The following KATNIP variants were observed in gnomAD, a reference collection of about 807,000 sequenced individuals.
KATNIP encodes katanin-interacting protein.
A neutral mutation model predicts 174.0 loss-of-function variants in KATNIP; 126 were observed. The observed-to-expected ratio is 0.72, with a 90% confidence interval of 0.63 to 0.84. The LOEUF (loss-of-function observed/expected upper bound fraction) is 0.84, where lower values mean the gene tolerates loss of function less well. KATNIP is among the 40% of genes least tolerant of loss of function. The pLI is 0.00. For synonymous variants in KATNIP, 810 were observed against 835.7 expected (o/e 0.97, Z 0.53); for missense variants, 1,958 against 2,109.7 (o/e 0.93, Z 1.41).
At position 27,613,844 on chromosome 16, in the gene KATNIP, G is replaced by A. The variant is rs150052920; in HGVS notation, c.64-4581G>A. ...GCACTCAGGATGAGGCAGGACTCAG[G>A]CCCAGGGGAGGACAGAGTAGCCTCT... On this transcript the variant is annotated intron_variant, in intron 2 of 27. Coordinates refer to ENST00000261588, the MANE Select transcript of KATNIP (RefSeq NM_015202.5). Among the ~76,000 whole-genome samples, 623 of 152,296 alleles carry A rather than the reference G, an allele frequency of 4.1e-3. 3 individuals are homozygous for A. The highest frequency in any genetic ancestry group is 0.014 in the African/African-American group (599 of 41,558).
At position 27,721,653 on chromosome 16, in the gene KATNIP, T is replaced by A. The variant is rs1013349424; in HGVS notation, c.1701T>A (p.His567Gln). Residue 567 changes from histidine to glutamine, a missense_variant, in exon 14 of 28, where the codon CAT becomes CAA. By Grantham distance (24) the His-to-Gln change is conservative. Transcript: ENST00000261588. ...ACACAAGACAGCTGGGGGACTTCCA[T>A]CTGGCCAAGATCAAGGTTCGGAATT... ...IRNTRQLGDF[H>Q]LAKIKVRNYW... is the part of the protein sequence containing the mutation. 7 of 1,614,036 alleles carry A rather than the reference T, an allele frequency of 4.3e-6. No individual in the cohort carries two copies. The highest frequency in any genetic ancestry group is 5.9e-6 in the Non-Finnish European group (7 of 1,180,044).
At chr16:27,567,774 C>T (rs187837548) in intron 1 of KATNIP, among the ~76,000 whole-genome samples, 6 of 152,236 alleles carry the variant, frequency 3.9e-5, no homozygotes, top group African/African-American at 1.2e-4. Flanking sequence ...GTAATCCACC[C>T]GCCTCGGCCT....
intron 14 of KATNIP, among the ~76,000 whole-genome samples, chr16:27,724,941 G>C (rs1832942558): frequency 6.6e-6 from 1 of 152,162 alleles, no homozygotes; most frequent in African/African-American, 2.4e-5. Flanking sequence ...TCTTTTATTG[G>C]GCAATGTGCT....
At chr16:27,591,676 G>T (rs1009524327) in intron 2 of KATNIP, among the ~76,000 whole-genome samples, 2 of 152,098 alleles carry the variant, frequency 1.3e-5, no homozygotes, top group African/African-American at 4.8e-5. Flanking sequence ...ATGGGGCCCG[G>T]CATGTATTAG....
At chr16:27,725,103 C>T (rs1056498362) in intron 14 of KATNIP, among the ~76,000 whole-genome samples, 1 of 152,200 alleles carries the variant, frequency 6.6e-6, no homozygotes, top group Non-Finnish European at 1.5e-5. Flanking sequence ...CAGAAGGCAG[C>T]ACACAGATGC....
At chr16:27,657,471 TA>T (rs1292756077) in intron 6 of KATNIP, among the ~76,000 whole-genome samples, 1 of 152,140 alleles carries the variant, frequency 6.6e-6, no homozygotes, top group Admixed American at 6.6e-5. Context: ...CTAACACCTA[TA>T]ATCCTAGCAT....
At chr16:27,758,793 A>G (rs2143973041) in intron 18 of KATNIP, among the ~76,000 whole-genome samples, 1 of 152,222 alleles carries the variant, frequency 6.6e-6, no homozygotes, top group Non-Finnish European at 1.5e-5. Context: ...GCTCATATTC[A>G]GTCACTCCCT....
intron 2 of KATNIP, among the ~76,000 whole-genome samples, chr16:27,590,287 T>C (rs2075124124): frequency 6.6e-6 from 1 of 152,052 alleles, no homozygotes; most frequent in South Asian, 2.1e-4. Context: ...GGATATGTGC[T>C]CTTCTGTGTA....
rs559830115 is a variant in KATNIP, at chr16:27,635,734, G to T, written c.408+4572G>T. ...ATACATGGATGGCGGGCCTGGCGGG[G>T]TCCAGAAGTTAACCACTTGAAGCCT... On this transcript the variant is annotated intron_variant, in intron 5 of 27. Coordinates refer to ENST00000261588, the MANE Select transcript of KATNIP (RefSeq NM_015202.5). 4.1e-4 allele frequency among the ~76,000 whole-genome samples: 63 copies of T among 152,274 alleles called. No individual in the cohort carries two copies. In the Middle Eastern group the frequency reaches 0.017, roughly 41 times the overall value.
intron 1 of KATNIP, among the ~76,000 whole-genome samples, chr16:27,552,639 T>A (rs2089434242): frequency 6.6e-6 from 1 of 150,964 alleles, no homozygotes; most frequent in African/African-American, 2.4e-5. Flanking sequence ...TTTCCCAAAG[T>A]GCTGGGATTA....
chr16:27,740,653 G>C lies in KATNIP; in HGVS notation c.2356G>C (p.Gly786Arg). Residue 786 changes from glycine to arginine, a missense_variant, in exon 15 of 28, where the codon GGC (glycine) becomes CGC (arginine). Gly to Arg is a moderately radical substitution (Grantham distance 125). This residue lies in a region of KATNIP where 1,557 missense variants were observed against 1,617.8 expected (regional missense o/e 0.96). Coordinates refer to ENST00000261588, the MANE Select transcript of KATNIP (RefSeq NM_015202.5). ...TCCCGAGAAGCCCCTGGCCTGGAAG[G>C]GCAGGCTCCCATCAGACGATGTCAT... ...LSPEKPLAWK[G>R]RLPSDDVIGE... 6.2e-7 allele frequency: 1 copy of C among 1,614,170 alleles called. No homozygotes were observed.
Position 27,751,941 on chromosome 16 carries a change from G to T in KATNIP, c.3552+17G>T, listed in dbSNP as rs755044136. ...GATGAACGGGTAGGACTGGAGCTGG[G>T]GGGCTGTGGGGGGACCCCCAGATAG... On this transcript the variant is annotated intron_variant, in intron 17 of 27. Transcript: ENST00000261588. 6.3e-7 allele frequency: 1 copy of T among 1,582,018 alleles called. No homozygotes were observed. The highest frequency in any genetic ancestry group is 8.6e-7 in the Non-Finnish European group (1 of 1,166,752).
At chr16:27,602,158 C>T (rs1203111716) in intron 2 of KATNIP, among the ~76,000 whole-genome samples, 1 of 152,118 alleles carries the variant, frequency 6.6e-6, no homozygotes, top group Non-Finnish European at 1.5e-5. Context: ...CCCTCCTGGG[C>T]TGTCCTCAGG....
rs202117354 is a variant in KATNIP at position 27,769,974 on chromosome 16, C to T, written c.4089C>T (p.Phe1363=). 5.6e-6 allele frequency: 9 copies of T among 1,614,116 alleles called. No homozygotes were observed. Among genetic ancestry groups the T allele is most frequent in the African/African-American group, 1.3e-5 (1 of 74,950 alleles). ...CHFDFAQEIL[F]VDYLRAQLLP... The stretch of plus-strand genomic sequence containing the variant: ...TTGATTTTGCTCAAGAAATCCTCTT[C>T]GTGGACTACCTACGGGCTCAGCTGC... Residue 1363 remains phenylalanine, a synonymous_variant, in exon 21 of 28, where the codon TTC becomes TTT. Coordinates refer to ENST00000261588, the MANE Select transcript of KATNIP (RefSeq NM_015202.5).
intron 4 of KATNIP, among the ~76,000 whole-genome samples, chr16:27,630,493 C>CA (rs1336891462): frequency 6.6e-6 from 1 of 152,224 alleles, no homozygotes; most frequent in African/African-American, 2.4e-5. Flanking sequence ...CAGTTGAACT[C>CA]AGAGTGTAGC....
intron 2 of KATNIP, among the ~76,000 whole-genome samples, chr16:27,591,640 GAAAT>G (rs1236730590): frequency 6.6e-6 from 1 of 152,120 alleles, no homozygotes; most frequent in African/African-American, 2.4e-5. Flanking sequence ...AGTGTCAGTG[GAAAT>G]AGCAAATGTC....
intron 1 of KATNIP, among the ~76,000 whole-genome samples, chr16:27,567,724 A>G (rs1218724690): frequency 6.6e-6 from 1 of 151,922 alleles, no homozygotes; most frequent in Non-Finnish European, 1.5e-5. Context: ...GGGTTTCACC[A>G]TGTTGGTTGG....
intron 2 of KATNIP, among the ~76,000 whole-genome samples, chr16:27,606,565 G>A (rs1364621015): frequency 6.6e-6 from 1 of 151,586 alleles, no homozygotes; most frequent in Non-Finnish European, 1.5e-5. Flanking sequence ...GAAAGAAAGG[G>A]ATGTATTTGC....
chr16:27,753,690 A>G (rs1335620348), intron 17 of KATNIP, among the ~76,000 whole-genome samples: 3 of 151,878 alleles, frequency 2.0e-5, no homozygotes, highest in Non-Finnish European at 4.4e-5. Flanking sequence ...GCCACTCTCT[A>G]TGGTTTGAAT....
Sources: allele counts gnomAD v4.1 joint callset (sites outside exome capture counted in the v4.1 genomes callset), GRCh38; gene constraint gnomAD v4.1.1; regional missense constraint gnomAD v4.1.1; transcripts MANE v1.5; gene names NCBI Gene and HGNC (gene_info 2026-07-23, HGNC 2026-07-21).